Variants in SNX29 observed in about 807,000 individuals in gnomAD.
The protein encoded by SNX29 is sorting nexin-29.
SNX29 carries 78 observed loss-of-function variants against 102.1 expected under a neutral mutation model. That is an observed-to-expected ratio of 0.76 (90% CI 0.64 to 0.92). The LOEUF is 0.92. SNX29 is among the 40% of genes least tolerant of loss of function. The pLI, the probability that SNX29 is intolerant of heterozygous loss-of-function variation, is 0.00. For missense variants in SNX29, 1,280 were observed against 1,061.7 expected, an observed-to-expected ratio of 1.21 and a Z score of -2.86; for synonymous variants, 580 against 414.5, an observed-to-expected ratio of 1.40 and a Z score of -4.85.
chr16:12,563,086 T>C (rs936006397), intron 20 of SNX29, among the ~76,000 whole-genome samples: 2 of 148,312 alleles, frequency 1.3e-5, no homozygotes, highest in East Asian at 1.9e-4. Context: ...TCCAGAATGT[T>C]ACATAGAAGA....
chr16:12,533,995 C>T (rs998731425), intron 20 of SNX29, among the ~76,000 whole-genome samples: 20 of 152,206 alleles, frequency 1.3e-4, no homozygotes, highest in African/African-American at 3.6e-4. Flanking sequence ...TCCACTGTAC[C>T]TTAAAAGCCT....
chr16:12,495,067 A>G (rs1052376796), intron 19 of SNX29, among the ~76,000 whole-genome samples: 10 of 152,174 alleles, frequency 6.6e-5, no homozygotes, highest in Admixed American at 4.6e-4. Context: ...TTGCCTCAGG[A>G]CCTTTGCACA....
intron 16 of SNX29, among the ~76,000 whole-genome samples, chr16:12,384,084 G>A (rs2083270117): frequency 6.6e-6 from 1 of 152,196 alleles, no homozygotes; most frequent in African/African-American, 2.4e-5. Flanking sequence ...GTACCCCACT[G>A]TGTATATGTA....
chr16:12,568,753 ATTCCC>A lies in SNX29; in HGVS notation c.*125_*129del, dbSNP rs2141572592. ...CACCTGGTGATCCTGAGAGCACACG[ATTCCC>A]AACAGTTACACAACACCCCGATTAA... On this transcript the variant is annotated 3_prime_UTR_variant, in exon 21 of 21. Coordinates refer to ENST00000566228, the MANE Select transcript of SNX29 (RefSeq NM_032167.5). 3.6e-6 allele frequency: 5 copies of A among 1,390,646 alleles called. No homozygotes were observed. The East Asian group carries it at 1.2e-4, about 34-fold the overall frequency. The allele number at this position is 1,390,646 out of a possible 1,614,324, so 86.1% of individuals were successfully genotyped here.
chr16:12,502,624 C>G (rs960906396), intron 19 of SNX29, among the ~76,000 whole-genome samples: 1 of 152,140 alleles, frequency 6.6e-6, no homozygotes, highest in South Asian at 2.1e-4. Context: ...GATCTTCTAG[C>G]CAAGGAATTC....
chr16:12,146,661 A>T (rs1179496516), intron 13 of SNX29, among the ~76,000 whole-genome samples: 1 of 152,202 alleles, frequency 6.6e-6, no homozygotes, highest in Non-Finnish European at 1.5e-5. Context: ...ACTACCATTC[A>T]TCACTGCTTG....
intron 18 of SNX29, among the ~76,000 whole-genome samples, chr16:12,423,705 G>A (rs1429348828): frequency 6.6e-6 from 1 of 152,104 alleles, no homozygotes; most frequent in Non-Finnish European, 1.5e-5. Flanking sequence ...CGAATAGCTG[G>A]GGTTACAGGC....
Position 12,521,379 on chromosome 16 carries a change from A to G in SNX29, c.2179-3323A>G, listed in dbSNP as rs78242194. Reference sequence around the variant, plus strand: ...AGTGAGCACTTGGGAGGGACTTGGGATTTCTCCAGGGGCCTCTGGGACCTG... The same window carrying G: ...AGTGAGCACTTGGGAGGGACTTGGGGTTTCTCCAGGGGCCTCTGGGACCTG... On this transcript the variant is annotated intron_variant, in intron 19 of 20. Coordinates refer to ENST00000566228, the MANE Select transcript of SNX29 (RefSeq NM_032167.5). Among the ~76,000 whole-genome samples, 433 of 151,850 alleles carry G rather than the reference A, an allele frequency of 2.9e-3. 2 individuals carry two copies. The highest frequency in any genetic ancestry group is 0.01 in the African/African-American group (415 of 41,388).
intron 18 of SNX29, among the ~76,000 whole-genome samples, chr16:12,450,261 T>G (rs892470602): frequency 1.3e-5 from 2 of 152,192 alleles, no homozygotes; most frequent in Non-Finnish European, 2.9e-5. Flanking sequence ...CCATGATATA[T>G]GGAGACACTC....
intron 15 of SNX29, among the ~76,000 whole-genome samples, chr16:12,355,511 G>A (rs2082104835): frequency 6.6e-6 from 1 of 152,042 alleles, no homozygotes; most frequent in South Asian, 2.1e-4. Context: ...CGCATTCTGG[G>A]GACTTCTCTT....
intron 18 of SNX29, among the ~76,000 whole-genome samples, chr16:12,456,186 T>C (rs1244635227): frequency 6.6e-6 from 1 of 152,202 alleles, no homozygotes; most frequent in Non-Finnish European, 1.5e-5. Flanking sequence ...ATAATTAGTA[T>C]TTGTCAATTA....
chr16:12,548,187 C>G (rs891068895), intron 20 of SNX29, among the ~76,000 whole-genome samples: 2 of 152,212 alleles, frequency 1.3e-5, no homozygotes, highest in African/African-American at 4.8e-5. Flanking sequence ...TCTTGCTCAT[C>G]CCACAGCGCC....
At chr16:12,419,132 T>G (rs2084769515) in intron 18 of SNX29, among the ~76,000 whole-genome samples, 1 of 152,178 alleles carries the variant, frequency 6.6e-6, no homozygotes, top group African/African-American at 2.4e-5. Context: ...GTCAACAGTG[T>G]AAGCATTGTT....
At chr16:12,061,680 A>C in intron 9 of SNX29, 34 bp downstream of exon 9, 2 of 1,558,618 alleles carry the variant, frequency 1.3e-6, no homozygotes, top group Non-Finnish European at 1.8e-6. Context: ...TTCCTCCAAT[A>C]AGAGCTTTGG....
At chr16:12,307,306 G>A (rs979516212) in intron 15 of SNX29, among the ~76,000 whole-genome samples, 3 of 152,202 alleles carry the variant, frequency 2.0e-5, no homozygotes, top group Non-Finnish European at 2.9e-5. Flanking sequence ...GTGCCTGGCC[G>A]AGGGAGGTTG....
At chr16:12,389,250 A>T (rs553624003) in intron 16 of SNX29, among the ~76,000 whole-genome samples, 70 of 152,290 alleles carry the variant, frequency 4.6e-4, no homozygotes, top group African/African-American at 1.6e-3. Context: ...GAAATAGTGC[A>T]TGAGAACTGA....
At chr16:12,546,851 G>A (rs982420623) in intron 20 of SNX29, among the ~76,000 whole-genome samples, 1 of 152,210 alleles carries the variant, frequency 6.6e-6, no homozygotes, top group Non-Finnish European at 1.5e-5. Flanking sequence ...AGATTATACA[G>A]TCACCAGTAA....
intron 18 of SNX29, among the ~76,000 whole-genome samples, chr16:12,421,071 A>T (rs1369516586): frequency 6.6e-6 from 1 of 152,190 alleles, no homozygotes; most frequent in East Asian, 1.9e-4. Context: ...CATTTTACAG[A>T]TAAGGAAACT....
At chr16:12,206,357 G>A (rs962949905) in intron 14 of SNX29, among the ~76,000 whole-genome samples, 1 of 141,070 alleles carries the variant, frequency 7.1e-6, no homozygotes, top group African/African-American at 2.6e-5. Context: ...GGAGTGATGT[G>A]CTGGTAAATG....
Sources: gnomAD v4.1 joint callset for allele counts (sites outside exome capture counted in the v4.1 genomes callset) on GRCh38, gnomAD v4.1.1 for gene constraint, MANE v1.5 for transcripts, NCBI Gene and HGNC (gene_info 2026-07-23, HGNC 2026-07-21) for gene names.